Variants in NELL1 observed in about 807,000 individuals in gnomAD.
NELL1 encodes the protein protein kinase C-binding protein NELL1.
Under a neutral mutation model 107.4 loss-of-function variants are expected in NELL1, and 76 were observed. The ratio of observed to expected loss-of-function variants is 0.71; its 90% CI spans 0.59 to 0.86. The LOEUF is 0.86. Among genes scored for constraint, NELL1 ranks in the 40% least tolerant of loss-of-function variants. NELL1 has a pLI of 0.00. For missense variants in NELL1, 1,024 were observed against 1,005.5 expected, an observed-to-expected ratio of 1.02 and a Z score of -0.25; for synonymous variants, 353 against 341.2, an observed-to-expected ratio of 1.03 and a Z score of -0.38.
chr11:21,404,723 A>T (rs1852193168), intron 15 of NELL1, among the ~76,000 whole-genome samples: 1 of 152,008 alleles, frequency 6.6e-6, no homozygotes, highest in African/African-American at 2.4e-5. Context: ...CATGTAACTA[A>T]TATGGTCCAG....
intron 2 of NELL1, among the ~76,000 whole-genome samples, chr11:20,776,776 G>A (rs1465554466): frequency 6.6e-6 from 1 of 152,076 alleles, no homozygotes; most frequent in African/African-American, 2.4e-5. Context: ...GTGGGGGAGA[G>A]GAAAGGGAGG....
chr11:20,823,062 A>G (rs530642440), intron 3 of NELL1, among the ~76,000 whole-genome samples: 9 of 140,822 alleles, frequency 6.4e-5, no homozygotes, highest in African/African-American at 2.2e-4. Context: ...AGCAGAAAAT[A>G]CAAGGTCTGT....
In NELL1 at chr11:20,669,895, G is replaced by A. The variant is rs2133840142; in HGVS notation, c.55+117G>A. On this transcript the variant is annotated intron_variant, in intron 1 of 19. Coordinates refer to ENST00000357134, the MANE Select transcript of NELL1 (RefSeq NM_006157.5). This position sits in a 1 kb window ranked among gnomAD's most constrained non-coding sequence, Gnocchi z 4.4. Reference sequence around the variant, plus strand: ...CTGGTCTGGGGAACGGCGGTAGCGTGGACCGGTTCCTGGGATCTCTTTGCC... The same window carrying A: ...CTGGTCTGGGGAACGGCGGTAGCGTAGACCGGTTCCTGGGATCTCTTTGCC... The A allele has an allele frequency of 1.2e-6, 1 of 833,710 alleles. No homozygotes were observed. The highest frequency in any genetic ancestry group is 2.0e-6 in the Non-Finnish European group (1 of 490,010). The allele number at this position is 833,710 out of a possible 1,614,324, so 51.6% of individuals were successfully genotyped here.
At chr11:21,287,286 C>G (rs1849145865) in intron 14 of NELL1, among the ~76,000 whole-genome samples, 1 of 152,062 alleles carries the variant, frequency 6.6e-6, no homozygotes, top group Non-Finnish European at 1.5e-5. Context: ...TGGTAACTTC[C>G]TAATTTCTCT....
At chr11:21,077,072 A>G (rs752062705) in intron 12 of NELL1, among the ~76,000 whole-genome samples, 1 of 152,174 alleles carries the variant, frequency 6.6e-6, no homozygotes, top group Non-Finnish European at 1.5e-5. Context: ...TCCCATTTTA[A>G]GTATGGAAAG....
intron 2 of NELL1, among the ~76,000 whole-genome samples, chr11:20,740,861 A>G (rs1425923483): frequency 1.3e-5 from 2 of 152,066 alleles, no homozygotes. Context: ...CCTGGGCCCA[A>G]GTGATCCTCC....
At chr11:20,699,352 ATTTTCT>A (rs1178486852) in intron 2 of NELL1, among the ~76,000 whole-genome samples, 2 of 151,548 alleles carry the variant, frequency 1.3e-5, no homozygotes, top group Non-Finnish European at 2.9e-5. Flanking sequence ...TATACACCAC[ATTTTCT>A]TTTTCTTTTT....
Position 20,983,159 on chromosome 11 carries a change from T to TA in NELL1, c.1300+22600dup, listed in dbSNP as rs576149514. Among the ~76,000 whole-genome samples the TA allele has an allele frequency of 3.3e-5, 5 of 152,312 alleles. No homozygotes were observed. In the East Asian group the frequency reaches 5.8e-4, roughly 18 times the overall value. ...TTCGCTGTTTATAGTTCTGTATCAG[T>TA]ATCCTCAATAGCATTCTAAACTTAA... On this transcript the variant is annotated intron_variant, in intron 12 of 19. Coordinates refer to ENST00000357134, the MANE Select transcript of NELL1 (RefSeq NM_006157.5).
chr11:21,465,886 G>A (rs1030293037), intron 15 of NELL1, among the ~76,000 whole-genome samples: 1 of 152,046 alleles, frequency 6.6e-6, no homozygotes, highest in Admixed American at 6.6e-5. Context: ...CTAAGCCATA[G>A]CACCAGAGAA....
chr11:21,128,237 T>C (rs1855532964), intron 13 of NELL1, among the ~76,000 whole-genome samples: 1 of 152,140 alleles, frequency 6.6e-6, no homozygotes, highest in Non-Finnish European at 1.5e-5. Flanking sequence ...AACTAGACAG[T>C]GGTGCTCTAA....
rs184244607 is a variant in NELL1 at position 21,179,539 on chromosome 11, G to A, written c.1427-49793G>A. ...TGTTTTTAGTATGGCAAAGGAAAGTGCAAGACAAGCGCCAAAATATATAAA... is the reference window on the plus strand; with the variant it reads ...TGTTTTTAGTATGGCAAAGGAAAGTACAAGACAAGCGCCAAAATATATAAA... On this transcript the variant is annotated intron_variant, in intron 13 of 19. Coordinates refer to ENST00000357134, the MANE Select transcript of NELL1 (RefSeq NM_006157.5). Among the ~76,000 whole-genome samples, 257 of 151,924 alleles carry A rather than the reference G, an allele frequency of 1.7e-3. 9 individuals carry two copies. The highest frequency in any genetic ancestry group is 6.0e-3 in the African/African-American group (247 of 41,238).
Position 21,563,990 on chromosome 11 carries a change from C to T in NELL1, c.1980+3608C>T, listed in dbSNP as rs573474740. 2.3e-4 allele frequency among the ~76,000 whole-genome samples: 35 copies of T among 151,862 alleles called. 1 individual carries two copies. The highest frequency in any genetic ancestry group is 1.1e-3 in the Admixed American group (16 of 15,224). ...AATCATGAGCTCAAAATATCAGGAA[C>T]AAAAAGAGTATAAGAAGGGTATAGT... On this transcript the variant is annotated intron_variant, in intron 17 of 19. Coordinates refer to ENST00000357134, the MANE Select transcript of NELL1 (RefSeq NM_006157.5).
intron 16 of NELL1, among the ~76,000 whole-genome samples, chr11:21,547,500 T>G (rs999302522): frequency 6.6e-6 from 1 of 151,926 alleles, no homozygotes; most frequent in African/African-American, 2.4e-5. Context: ...GAATTTTGTT[T>G]CATAATATCA....
In NELL1 at chr11:21,575,375, C is replaced by T. The variant is rs553606981; in HGVS notation, c.*353C>T. On this transcript the variant is annotated 3_prime_UTR_variant, in exon 20 of 20. Transcript: ENST00000357134. The stretch of plus-strand genomic sequence containing the variant: ...TTTTTTGGTTTATTTTGTGTACTAA[C>T]ATAATAGAGAGAGACTCAGCTCCTT... The T allele has an allele frequency of 5.8e-5, 11 of 188,072 alleles. No individual in the cohort carries two copies. The South Asian group carries it at 1.5e-3, about 25-fold the overall frequency. The allele number at this position is 188,072 out of a possible 1,614,324, so 11.7% of individuals were successfully genotyped here.
At chr11:20,976,062 CTG>C (rs1162377319) in intron 12 of NELL1, among the ~76,000 whole-genome samples, 4 of 145,586 alleles carry the variant, frequency 2.7e-5, no homozygotes, top group Non-Finnish European at 4.5e-5. Flanking sequence ...ATACATATAT[CTG>C]TACATATATG....
intron 13 of NELL1, among the ~76,000 whole-genome samples, chr11:21,118,297 A>C (rs568442490): frequency 2.0e-5 from 3 of 152,174 alleles, no homozygotes; most frequent in African/African-American, 7.2e-5. Context: ...ACAATGGGGA[A>C]TATGGATGGG....
intron 12 of NELL1, 37 bp downstream of exon 12, chr11:20,960,597 T>C (rs1851270637): frequency 3.1e-6 from 5 of 1,612,004 alleles, no homozygotes; most frequent in Middle Eastern, 1.7e-4. Context: ...TTGTGAGAGG[T>C]TGACTGAGAA....
At chr11:20,991,209 C>T (rs886611902) in intron 12 of NELL1, among the ~76,000 whole-genome samples, 2 of 152,166 alleles carry the variant, frequency 1.3e-5, no homozygotes, top group Non-Finnish European at 2.9e-5. Context: ...TCTCATTATT[C>T]CTGCCTCTGA....
At chr11:21,360,068 A>G (rs913552133) in intron 14 of NELL1, among the ~76,000 whole-genome samples, 1 of 151,846 alleles carries the variant, frequency 6.6e-6, no homozygotes, top group Admixed American at 6.6e-5. Context: ...TAGTTCCTTG[A>G]AGTGTGATCT....
Sources: gnomAD v4.1 joint callset for allele counts (sites outside exome capture counted in the v4.1 genomes callset) on GRCh38, gnomAD v4.1.1 for gene constraint, Gnocchi (gnomAD v3.1) non-coding constraint, MANE v1.5 for transcripts, NCBI Gene and HGNC (gene_info 2026-07-23, HGNC 2026-07-21) for gene names.